MGMT: variants seen among roughly 807,000 people sequenced by gnomAD.
The protein encoded by MGMT is O-6-methylguanine-DNA methyltransferase, also known as methylated-DNA--protein-cysteine methyltransferase.
MGMT carries 14 observed loss-of-function variants against 15.9 expected under a neutral mutation model. The observed-to-expected ratio is 0.88, with a 90% CI of 0.58 to 1.37. The LOEUF is 1.37. MGMT is among the 40% of genes most tolerant of loss of function. MGMT has a pLI of 0.00. For missense variants in MGMT, 282 were observed against 268.1 expected (o/e 1.05, Z -0.36); for synonymous variants, 130 against 118.2 (o/e 1.10, Z -0.65).
intron 1 of MGMT, among the ~76,000 whole-genome samples, chr10:129,471,574 C>T (rs113596917): frequency 9.9e-5 from 15 of 152,002 alleles, no homozygotes; most frequent in African/African-American, 3.4e-4. Flanking sequence ...GAACCTGTTG[C>T]TCTCCGTAAA....
At chr10:129,547,925 C>G (rs1846114873) in intron 2 of MGMT, among the ~76,000 whole-genome samples, 1 of 152,162 alleles carries the variant, frequency 6.6e-6, no homozygotes, top group African/African-American at 2.4e-5. Context: ...TGTTCTTGTT[C>G]CCAAGAAGCT....
intron 2 of MGMT, among the ~76,000 whole-genome samples, chr10:129,608,559 C>A (rs1846920363): frequency 6.6e-6 from 1 of 152,196 alleles, no homozygotes; most frequent in African/African-American, 2.4e-5. Flanking sequence ...GGCTTTTTAT[C>A]TTACGCTTAA....
chr10:129,511,215 G>A (rs540547446), intron 1 of MGMT, among the ~76,000 whole-genome samples: 32 of 148,458 alleles, frequency 2.2e-4, no homozygotes, highest in African/African-American at 7.8e-4. Flanking sequence ...TATATCAGAT[G>A]CAGCCACGTG....
At chr10:129,654,273 G>A (rs1018657140) in intron 2 of MGMT, among the ~76,000 whole-genome samples, 5 of 152,172 alleles carry the variant, frequency 3.3e-5, no homozygotes, top group South Asian at 2.1e-4. Context: ...GGGGAAGGGC[G>A]AGGATGGAAA....
chr10:129,569,269 T>C (rs570013078), intron 2 of MGMT, among the ~76,000 whole-genome samples: 2 of 152,218 alleles, frequency 1.3e-5, no homozygotes, highest in East Asian at 3.9e-4. Flanking sequence ...AAGTCAGTTT[T>C]CTGAGGTCGT....
At chr10:129,579,631 C>T (rs1846528793) in intron 2 of MGMT, among the ~76,000 whole-genome samples, 1 of 152,184 alleles carries the variant, frequency 6.6e-6, no homozygotes, top group Non-Finnish European at 1.5e-5. Context: ...TGTTTAAAGG[C>T]GACACATGGA....
Position 129,592,801 on chromosome 10 carries a change from C to CTT in MGMT, c.125+56434_125+56435dup, listed in dbSNP as rs56012994. Among the ~76,000 whole-genome samples, 116 of 147,124 alleles carry CTT rather than the reference C, an allele frequency of 7.9e-4. 3 individuals are homozygous for CTT. The highest frequency in any genetic ancestry group is 5.7e-3 in the East Asian group (29 of 5,064). On this transcript the variant is annotated intron_variant, in intron 2 of 4. Coordinates refer to ENST00000651593, the MANE Select transcript of MGMT (RefSeq NM_002412.5). Reference sequence around the variant, plus strand: ...TAAACCAGTGCAACTTTAATTAATCCTTTTTTTTTTTGGAAAAATGGTTAT... The same window carrying CTT: ...TAAACCAGTGCAACTTTAATTAATCCTTTTTTTTTTTTTGGAAAAATGGTTAT...
chr10:129,506,914 A>G (rs1845631386), intron 1 of MGMT, among the ~76,000 whole-genome samples: 1 of 149,518 alleles, frequency 6.7e-6, no homozygotes, highest in African/African-American at 2.5e-5. Flanking sequence ...CTTTGAGATC[A>G]ACACAATATA....
intron 1 of MGMT, among the ~76,000 whole-genome samples, chr10:129,511,245 C>T (rs1181121886): frequency 6.7e-6 from 1 of 148,908 alleles, no homozygotes; most frequent in African/African-American, 2.5e-5. Context: ...ATGGGAACCC[C>T]GTATACCAGA....
At chr10:129,577,338 A>C (rs1444114148) in intron 2 of MGMT, among the ~76,000 whole-genome samples, 5 of 152,206 alleles carry the variant, frequency 3.3e-5, no homozygotes, top group African/African-American at 4.8e-5. Context: ...CAAAACAGAG[A>C]TATAGACCAA....
intron 3 of MGMT, among the ~76,000 whole-genome samples, chr10:129,737,812 CGTGTGAG>C (rs1564779772): frequency 1.3e-5 from 2 of 152,108 alleles, no homozygotes; most frequent in African/African-American, 4.8e-5. Context: ...AGTACCCGGC[CGTGTGAG>C]GTGTCAGTCT....
At chr10:129,519,554 C>T (rs1322562672) in intron 1 of MGMT, among the ~76,000 whole-genome samples, 1 of 152,168 alleles carries the variant, frequency 6.6e-6, no homozygotes, top group Non-Finnish European at 1.5e-5. Flanking sequence ...GAGTTCAGTG[C>T]CGTCAAGGCC....
At chr10:129,520,472 A>ACAAAGCCCCTATGGTGCAGGTG (rs1845791022) in intron 1 of MGMT, among the ~76,000 whole-genome samples, 2 of 100,780 alleles carry the variant, frequency 2.0e-5, no homozygotes, top group African/African-American at 1.0e-4. Context: ...TGGTGCATGT[A>ACAAAGCCCCTATGGTGCAGGTG]CAGAGCCCCT....
intron 3 of MGMT, among the ~76,000 whole-genome samples, chr10:129,731,647 G>T (rs2133162908): frequency 6.6e-6 from 1 of 152,128 alleles, no homozygotes; most frequent in Admixed American, 6.5e-5. Flanking sequence ...ACCTGCCTCG[G>T]CCTCCCAAAG....
intron 2 of MGMT, among the ~76,000 whole-genome samples, chr10:129,558,798 C>T (rs935545783): frequency 2.0e-5 from 3 of 152,072 alleles, no homozygotes; most frequent in African/African-American, 7.2e-5. Context: ...TGCTTTGGAG[C>T]CTTTCGAAAA....
At chr10:129,561,731 T>G (rs1846281426) in intron 2 of MGMT, among the ~76,000 whole-genome samples, 1 of 152,180 alleles carries the variant, frequency 6.6e-6, no homozygotes, top group African/African-American at 2.4e-5. Flanking sequence ...GTGTTACCAT[T>G]CTCTTTCCTT....
chr10:129,659,359 GAA>G lies in MGMT; in HGVS notation c.126-48523_126-48522del, dbSNP rs758707637. On this transcript the variant is annotated intron_variant, in intron 2 of 4. Coordinates refer to ENST00000651593, the MANE Select transcript of MGMT (RefSeq NM_002412.5). The surrounding 1 kb of genome is among the most constrained non-coding windows in gnomAD (Gnocchi z 4.1). The stretch of plus-strand genomic sequence containing the variant: ...GTGGCAGAGCGAGACTCCCTGTGTG[GAA>G]AAAAAAAAAAAAGATACTCAGATGT... Among the ~76,000 whole-genome samples, 5 of 141,346 alleles carry G rather than the reference GAA, an allele frequency of 3.5e-5. No individual in the cohort carries two copies. Among genetic ancestry groups the G allele is most frequent in the Admixed American group, 7.1e-5 (1 of 14,062 alleles). The allele number at this position is 141,346 out of a possible 152,430, so 92.7% of individuals were successfully genotyped here.
At chr10:129,630,221 T>C (rs1177820863) in intron 2 of MGMT, among the ~76,000 whole-genome samples, 2 of 152,218 alleles carry the variant, frequency 1.3e-5, no homozygotes, top group Non-Finnish European at 2.9e-5. Flanking sequence ...CCGGTGCTGG[T>C]GTTGTCCGTC....
chr10:129,612,766 A>G (rs1846976453), intron 2 of MGMT, among the ~76,000 whole-genome samples: 1 of 152,334 alleles, frequency 6.6e-6, no homozygotes, highest in East Asian at 1.9e-4. Flanking sequence ...GAAACATGTC[A>G]TCTTGTTAAG....
Sources: allele counts gnomAD v4.1 joint callset (sites outside exome capture counted in the v4.1 genomes callset), GRCh38; gene constraint gnomAD v4.1.1; non-coding constraint Gnocchi (gnomAD v3.1); transcripts MANE v1.5; gene names NCBI Gene and HGNC (gene_info 2026-07-23, HGNC 2026-07-21).